BTNL8: variants seen among roughly 807,000 people sequenced by gnomAD.
The protein encoded by BTNL8 is butyrophilin-like protein 8.
In BTNL8, 22 loss-of-function variants were observed where a neutral mutation model predicts 36.1. The observed-to-expected ratio is 0.61, with a 90% CI of 0.44 to 0.87. The LOEUF is 0.87. BTNL8 is among the 40% of genes least tolerant of loss of function. The pLI, the probability that BTNL8 is intolerant of heterozygous loss-of-function variation, is 0.00. For missense variants in BTNL8, 526 were observed against 616.9 expected (o/e 0.85, Z 1.56); for synonymous variants, 203 against 235.6 (o/e 0.86, Z 1.27).
intron 3 of BTNL8, 129 bp from the exon 4 acceptor site, chr5:180,947,383 T>C (rs1267092758): frequency 2.4e-6 from 3 of 1,256,946 alleles, no homozygotes; most frequent in Non-Finnish European, 3.3e-6. Flanking sequence ...AATCAAAGTA[T>C]TAAGCCTATA....
At chr5:180,941,917 T>TTTTTTTTTTTTTTTTTTTTTTTTGAGA (rs1430901477) in intron 3 of BTNL8, among the ~76,000 whole-genome samples, 1 of 151,368 alleles carries the variant, frequency 6.6e-6, no homozygotes, top group Non-Finnish European at 1.5e-5. Context: ...CTACTCTTAT[T>TTTTTTTTTTTTTTTTTTTTTTTTGAGA]CAACAAAGTA....
chr5:180,948,017 C>T (rs1436410166), intron 4 of BTNL8: 3 of 663,490 alleles, frequency 4.5e-6, no homozygotes, highest in Non-Finnish European at 7.4e-6. Context: ...AGACTTTTCA[C>T]CCCCAAAACC....
chr5:180,906,039 C>T (rs1048217000), intron 1 of BTNL8, among the ~76,000 whole-genome samples: 16 of 144,130 alleles, frequency 1.1e-4, no homozygotes, highest in South Asian at 4.2e-4. Flanking sequence ...CTATTAGGTC[C>T]GCTTGGTGCA....
intron 1 of BTNL8, among the ~76,000 whole-genome samples, chr5:180,902,136 A>G (rs561793418): frequency 3.4e-4 from 52 of 152,148 alleles, no homozygotes; most frequent in Non-Finnish European, 7.1e-4. Context: ...GGCCATTAGA[A>G]AGACGTCAAC....
chr5:180,950,479 G>C lies in BTNL8; in HGVS notation c.1438G>C (p.Glu480Gln), dbSNP rs767127815. ...ASWQRASAIP[E>Q]TSNSESSSQA... ...TTGGCAAAGGGCCTCTGCAATCCCA[G>C]AGACAAGCAACAGTGAGTCCTCCTC... Residue 480 changes from glutamate to glutamine, a missense_variant, in exon 8 of 8, where the codon GAG becomes CAG. By Grantham distance (29) the Glu-to-Gln change is conservative (BLOSUM62 2). This residue lies in a region of BTNL8 where 176 missense variants were observed against 292.3 expected (regional missense o/e 0.60). Transcript: ENST00000340184. 1.4e-6 allele frequency: 2 copies of C among 1,463,654 alleles called. 1 individual carries two copies. The highest frequency in any genetic ancestry group is 3.7e-5 in the Admixed American group (2 of 53,472). The allele number at this position is 1,463,654 out of a possible 1,614,324, so 90.7% of individuals were successfully genotyped here. A position where few individuals can be genotyped will look rare whatever the true frequency, so the allele number is the denominator to read the frequency against.
chr5:180,910,688 C>T (rs1757347329), intron 2 of BTNL8, among the ~76,000 whole-genome samples: 1 of 152,210 alleles, frequency 6.6e-6, no homozygotes, highest in Admixed American at 6.5e-5. Flanking sequence ...TTTACCCCCA[C>T]ACCACTGGCT....
At chr5:180,944,257 T>G (rs1759127798) in intron 3 of BTNL8, among the ~76,000 whole-genome samples, 1 of 152,154 alleles carries the variant, frequency 6.6e-6, no homozygotes, top group Admixed American at 6.6e-5. Flanking sequence ...GGTGTCCTGT[T>G]GCATAGCAAA....
chr5:180,908,976 C>T (rs112766619), intron 2 of BTNL8, 43 bp downstream of exon 2: 4 of 1,538,272 alleles, frequency 2.6e-6, no homozygotes, highest in East Asian at 4.5e-5. Flanking sequence ...AAAGAACCAT[C>T]CTGGACTTTA....
intron 3 of BTNL8, among the ~76,000 whole-genome samples, chr5:180,913,378 T>C (rs7728025): frequency 0.45 from 68,248 of 151,928 alleles, 16,421 homozygotes; most frequent in African/African-American, 0.63. Context: ...CCCCTACCAT[T>C]CCTCTTTGCT....
chr5:180,920,421 TTC>T (rs1395630281), intron 3 of BTNL8, among the ~76,000 whole-genome samples: 2 of 151,850 alleles, frequency 1.3e-5, no homozygotes, highest in East Asian at 1.9e-4. Flanking sequence ...GACTCATATT[TTC>T]CATCACACAC....
At chr5:180,902,583 G>A (rs1756877852) in intron 1 of BTNL8, among the ~76,000 whole-genome samples, 1 of 151,044 alleles carries the variant, frequency 6.6e-6, no homozygotes, top group African/African-American at 2.4e-5. Context: ...GTGCAGGTTA[G>A]TTACATATGT....
intron 3 of BTNL8, among the ~76,000 whole-genome samples, chr5:180,914,239 C>T (rs1757525963): frequency 6.6e-6 from 1 of 152,206 alleles, no homozygotes; most frequent in South Asian, 2.1e-4. Flanking sequence ...GTGAACTTAC[C>T]CTTTCCACCC....
At chr5:180,902,702 G>C (rs1434240903) in intron 1 of BTNL8, among the ~76,000 whole-genome samples, 1 of 137,680 alleles carries the variant, frequency 7.3e-6, no homozygotes, top group Non-Finnish European at 1.5e-5. Flanking sequence ...CGTCCCCAGA[G>C]TGTGATATTC....
chr5:180,950,592 C>A lies in BTNL8; in HGVS notation c.*48C>A. On this transcript the variant is annotated 3_prime_UTR_variant, in exon 8 of 8. Transcript: ENST00000340184. ...TCTTTAGGGATATTAAGGTCTCTCT[C>A]CCAGATCCAAAGTCCCGCAGCAGCC... The A allele has an allele frequency of 6.9e-7, 1 of 1,439,794 alleles. No individual in the cohort carries two copies. Among genetic ancestry groups the A allele is most frequent in the East Asian group, 2.5e-5 (1 of 40,788 alleles). The allele number at this position is 1,439,794 out of a possible 1,614,324, so 89.2% of individuals were successfully genotyped here. A position where few individuals can be genotyped will look rare whatever the true frequency, so the allele number is the denominator to read the frequency against.
At chr5:180,905,165 TTTGG>T (rs933168205) in intron 1 of BTNL8, among the ~76,000 whole-genome samples, 2 of 150,920 alleles carry the variant, frequency 1.3e-5, no homozygotes, top group African/African-American at 4.9e-5. Context: ...CTGGACTCTT[TTTGG>T]TTGGTAAGCT....
chr5:180,899,252 TC>T lies in BTNL8; in HGVS notation c.-57del, dbSNP rs766808518. 3.2e-4 allele frequency: 513 copies of T among 1,585,952 alleles called. No individual in the cohort carries two copies. Among genetic ancestry groups the T allele is most frequent in the Non-Finnish European group, 4.2e-4 (486 of 1,154,728 alleles). On this transcript the variant is annotated 5_prime_UTR_variant, in exon 1 of 8. Transcript: ENST00000340184. ...CAGTTCTCCTCTTCTCTCTAATCCA[TC>T]CGTCACCTCTCCTGTCATCCGTTTC...
intron 3 of BTNL8, among the ~76,000 whole-genome samples, chr5:180,921,808 C>T (rs1267472806): frequency 1.3e-5 from 2 of 151,946 alleles, no homozygotes; most frequent in African/African-American, 4.8e-5. Context: ...TGGGTATATA[C>T]TTATCACCAA....
intron 3 of BTNL8, among the ~76,000 whole-genome samples, chr5:180,923,795 A>T (rs1404521144): frequency 6.6e-6 from 1 of 152,234 alleles, no homozygotes. Flanking sequence ...ATACTTCATT[A>T]TGTTCATAAA....
At chr5:180,947,189 C>A (rs999982312) in intron 3 of BTNL8, among the ~76,000 whole-genome samples, 2 of 152,144 alleles carry the variant, frequency 1.3e-5, no homozygotes, top group African/African-American at 4.8e-5. Flanking sequence ...GACAAGTAGA[C>A]AAATGACACA....
Sources: gnomAD v4.1 joint callset for allele counts (sites outside exome capture counted in the v4.1 genomes callset) on GRCh38, gnomAD v4.1.1 for gene constraint, gnomAD v4.1.1 regional missense constraint, MANE v1.5 for transcripts, NCBI Gene and HGNC (gene_info 2026-07-23, HGNC 2026-07-21) for gene names.